EEPD1: variants seen among roughly 807,000 people sequenced by gnomAD.
EEPD1 encodes the protein endonuclease/exonuclease/phosphatase family domain-containing protein 1.
Under a neutral mutation model 46.3 loss-of-function variants are expected in EEPD1, and 17 were observed. That is an observed-to-expected ratio of 0.37 (90% CI 0.25 to 0.55). The LOEUF (loss-of-function observed/expected upper bound fraction) is 0.55. EEPD1 is among the 20% of genes least tolerant of loss of function. The pLI is 0.83. For synonymous variants in EEPD1, 313 were observed against 315.6 expected (o/e 0.99, Z 0.09); for missense variants, 673 against 745.6 (o/e 0.90, Z 1.13).
chr7:36,241,038 A>T (rs1786546636), intron 3 of EEPD1, among the ~76,000 whole-genome samples: 1 of 152,254 alleles, frequency 6.6e-6, no homozygotes, highest in Non-Finnish European at 1.5e-5. Context: ...CAAGTAAATG[A>T]GGCAAAATAC....
chr7:36,162,674 A>G (rs1784918341), intron 2 of EEPD1, among the ~76,000 whole-genome samples: 1 of 151,774 alleles, frequency 6.6e-6, no homozygotes, highest in Non-Finnish European at 1.5e-5. Flanking sequence ...AAAAAGAAAA[A>G]CCTGGATTTT....
At chr7:36,232,797 C>T (rs1251003839) in intron 2 of EEPD1, among the ~76,000 whole-genome samples, 1 of 151,572 alleles carries the variant, frequency 6.6e-6, no homozygotes, top group Non-Finnish European at 1.5e-5. Flanking sequence ...CTCATGAGAG[C>T]AGGACATGGC....
intron 6 of EEPD1, among the ~76,000 whole-genome samples, chr7:36,291,165 G>A (rs1044924039): frequency 1.3e-5 from 2 of 152,124 alleles, no homozygotes; most frequent in Non-Finnish European, 2.9e-5. Context: ...CTCATTATAT[G>A]GGAACTTTGT....
At chr7:36,282,618 G>T (rs1202934166) in intron 4 of EEPD1, among the ~76,000 whole-genome samples, 1 of 152,232 alleles carries the variant, frequency 6.6e-6, no homozygotes. Flanking sequence ...AAATGGGAGC[G>T]ATAGCCCTTT....
At chr7:36,155,340 C>T in intron 2 of EEPD1, 138 bp downstream of exon 2, 2 of 1,053,578 alleles carry the variant, frequency 1.9e-6, no homozygotes, top group Non-Finnish European at 2.5e-6. Context: ...AAGCCTCAGC[C>T]AATACCGTCA....
At chr7:36,275,477 C>G (rs1187992678) in intron 3 of EEPD1, among the ~76,000 whole-genome samples, 1 of 152,044 alleles carries the variant, frequency 6.6e-6, no homozygotes, top group South Asian at 2.1e-4. Flanking sequence ...GACAGAATAT[C>G]ACTCTGTCAC....
intron 2 of EEPD1, among the ~76,000 whole-genome samples, chr7:36,174,943 C>G (rs369485992): frequency 1.3e-5 from 2 of 152,172 alleles, no homozygotes; most frequent in African/African-American, 4.8e-5. Flanking sequence ...AGAGTAGGCT[C>G]AGAGAGACTC....
chr7:36,188,339 A>G (rs6974019), intron 2 of EEPD1, among the ~76,000 whole-genome samples: 6,952 of 152,252 alleles, frequency 0.046, 516 homozygotes, highest in African/African-American at 0.16. Context: ...GGGTAGAAAG[A>G]GGCACCTCCT....
chr7:36,192,667 A>C (rs1010276181), intron 2 of EEPD1, among the ~76,000 whole-genome samples: 4 of 152,250 alleles, frequency 2.6e-5, no homozygotes, highest in African/African-American at 9.6e-5. Flanking sequence ...TGGGTTATGA[A>C]ATAGCCTATT....
At chr7:36,178,547 A>T (rs1013606389) in intron 2 of EEPD1, among the ~76,000 whole-genome samples, 8 of 152,184 alleles carry the variant, frequency 5.3e-5, no homozygotes, top group African/African-American at 1.9e-4. Flanking sequence ...TTTAACTGGG[A>T]CAGTCTTCCC....
chr7:36,279,390 C>T (rs548434337), intron 3 of EEPD1, among the ~76,000 whole-genome samples: 1 of 152,358 alleles, frequency 6.6e-6, no homozygotes, highest in African/African-American at 2.4e-5. Flanking sequence ...TCTCCCTCCC[C>T]TTGCCTGGTT....
At chr7:36,256,587 G>A (rs1337332704) in intron 3 of EEPD1, among the ~76,000 whole-genome samples, 2 of 152,072 alleles carry the variant, frequency 1.3e-5, no homozygotes, top group African/African-American at 4.8e-5. Context: ...GCCCTTCTTT[G>A]TCTTTTTTGA....
intron 2 of EEPD1, among the ~76,000 whole-genome samples, chr7:36,183,650 G>C (rs1785311493): frequency 1.3e-5 from 2 of 152,156 alleles, no homozygotes; most frequent in African/African-American, 4.8e-5. Context: ...TTGTATTCCA[G>C]TGTTGATACT....
At chr7:36,181,890 A>C (rs186443918) in intron 2 of EEPD1, among the ~76,000 whole-genome samples, 198 of 152,294 alleles carry the variant, frequency 1.3e-3, no homozygotes, top group African/African-American at 4.6e-3. Flanking sequence ...GACAGGACAG[A>C]CTTGCCCCAT....
chr7:36,176,819 G>T (rs1244551200), intron 2 of EEPD1, among the ~76,000 whole-genome samples: 2 of 152,146 alleles, frequency 1.3e-5, no homozygotes, highest in Non-Finnish European at 2.9e-5. Context: ...AAAAAGAAGT[G>T]GGAGGGAAAT....
chr7:36,290,511 C>T (rs1787412991), intron 6 of EEPD1, among the ~76,000 whole-genome samples: 1 of 152,180 alleles, frequency 6.6e-6, no homozygotes, highest in Non-Finnish European at 1.5e-5. Context: ...AAGACAAAGC[C>T]TTCATTCCAC....
intron 3 of EEPD1, among the ~76,000 whole-genome samples, chr7:36,264,999 A>G (rs1303170007): frequency 6.6e-6 from 1 of 152,190 alleles, no homozygotes; most frequent in African/African-American, 2.4e-5. Flanking sequence ...TTGACATAAT[A>G]CAGATCAAAA....
intron 2 of EEPD1, among the ~76,000 whole-genome samples, chr7:36,220,685 C>G (rs7781004): frequency 0.11 from 17,236 of 152,220 alleles, 1,031 homozygotes; most frequent in East Asian, 0.22. Flanking sequence ...ATGAAAATGT[C>G]TCTGATGTCT....
At chr7:36,180,568 G>C (rs1785255418) in intron 2 of EEPD1, among the ~76,000 whole-genome samples, 1 of 152,158 alleles carries the variant, frequency 6.6e-6, no homozygotes, top group African/African-American at 2.4e-5. Flanking sequence ...AAACATGCTT[G>C]GAACACATTC....
Sources: gnomAD v4.1 joint callset for allele counts (sites outside exome capture counted in the v4.1 genomes callset) on GRCh38, gnomAD v4.1.1 for gene constraint, MANE v1.5 for transcripts, NCBI Gene and HGNC (gene_info 2026-07-23, HGNC 2026-07-21) for gene names.